PLCB4: variants seen among roughly 807,000 people sequenced by gnomAD.
PLCB4 encodes the protein 1-phosphatidylinositol 4,5-bisphosphate phosphodiesterase beta-4.
A neutral mutation model predicts 178.8 loss-of-function variants in PLCB4; 77 were observed. The observed-to-expected ratio is 0.43, with a 90% CI of 0.36 to 0.52. The LOEUF (loss-of-function observed/expected upper bound fraction) is 0.52. PLCB4 is among the 20% of genes least tolerant of loss of function. The pLI is 0.00. For missense variants in PLCB4, 1,024 were observed against 1,453.4 expected (o/e 0.70, Z 4.80); for synonymous variants, 496 against 490.8 (o/e 1.01, Z -0.14).
At chr20:9,151,564 G>T (rs758448697) in intron 2 of PLCB4, among the ~76,000 whole-genome samples, 12 of 152,132 alleles carry the variant, frequency 7.9e-5, no homozygotes, top group Non-Finnish European at 1.6e-4. Context: ...TTCTCTTGCT[G>T]CTGCCATGTT....
In PLCB4 at chr20:9,411,044, G is replaced by A. The variant is rs745776709; in HGVS notation, c.2007G>A (p.Ala669=). 182 of 1,610,128 alleles carry A rather than the reference G, an allele frequency of 1.1e-4. No homozygotes were observed. The highest frequency in any genetic ancestry group is 3.3e-4 in the South Asian group (30 of 90,956). ...VSLNYQTPDL[A]MQLNQGKFEY... ...ATTTTTGTCTCTTGACAGATTTAGCGATGCAATTGAATCAGGGAAAATTTG... is the reference window on the plus strand; with the variant it reads ...ATTTTTGTCTCTTGACAGATTTAGCAATGCAATTGAATCAGGGAAAATTTG... Residue 669 remains alanine, a synonymous_variant, in exon 25 of 40, where the codon GCG becomes GCA. Coordinates refer to ENST00000378473, the MANE Select transcript of PLCB4 (RefSeq NM_001377142.1).
At chr20:9,239,600 A>C (rs936778897) in intron 3 of PLCB4, among the ~76,000 whole-genome samples, 1 of 152,200 alleles carries the variant, frequency 6.6e-6, no homozygotes, top group Non-Finnish European at 1.5e-5. Context: ...AGGGTACGCT[A>C]TCATCGTATG....
At position 9,078,084 on chromosome 20, in the gene PLCB4, G is replaced by A. The variant is rs78058231; in HGVS notation, c.-135+8878G>A. On this transcript the variant is annotated intron_variant, in intron 1 of 39. Transcript: ENST00000378473. The stretch of plus-strand genomic sequence containing the variant: ...GCAGCCTCATCTTCTGGGCTCAAGC[G>A]ATTTTCCTGCCTCAGACTCTCGAGT... Among the ~76,000 whole-genome samples the A allele has an allele frequency of 7.0e-3, 1,066 of 151,978 alleles. 11 individuals carry two copies. The highest frequency in any genetic ancestry group is 0.024 in the African/African-American group (1,002 of 41,454).
chr20:9,362,020 C>T (rs1263502079), intron 7 of PLCB4, among the ~76,000 whole-genome samples: 1 of 152,170 alleles, frequency 6.6e-6, no homozygotes, highest in Non-Finnish European at 1.5e-5. Context: ...TTTCCTTCCT[C>T]AGCACTAAGC....
At chr20:9,257,459 G>A (rs2094248328) in intron 3 of PLCB4, among the ~76,000 whole-genome samples, 1 of 151,956 alleles carries the variant, frequency 6.6e-6, no homozygotes, top group Non-Finnish European at 1.5e-5. Context: ...ACCCTTTATT[G>A]CCCAGATAAA....
At chr20:9,419,401 C>G (rs1318709660) in intron 25 of PLCB4, among the ~76,000 whole-genome samples, 1 of 152,050 alleles carries the variant, frequency 6.6e-6, no homozygotes, top group African/African-American at 2.4e-5. Flanking sequence ...TAGATCTTAC[C>G]ATTAGATCTT....
chr20:9,258,619 G>A (rs1395847164), intron 3 of PLCB4, among the ~76,000 whole-genome samples: 1 of 150,946 alleles, frequency 6.6e-6, no homozygotes, highest in African/African-American at 2.5e-5. Context: ...GGATGCTGAG[G>A]CAGGAGAATC....
chr20:9,194,877 A>G (rs2093451503), intron 2 of PLCB4, among the ~76,000 whole-genome samples: 1 of 152,130 alleles, frequency 6.6e-6, no homozygotes, highest in Non-Finnish European at 1.5e-5. Flanking sequence ...CTTAACAGTT[A>G]CTTCATGCAT....
At chr20:9,088,188 T>C (rs1383853169) in intron 1 of PLCB4, among the ~76,000 whole-genome samples, 2 of 131,844 alleles carry the variant, frequency 1.5e-5, no homozygotes, top group African/African-American at 5.5e-5. Flanking sequence ...CTTTTTTTTT[T>C]TTTTTTTTGC....
intron 3 of PLCB4, among the ~76,000 whole-genome samples, chr20:9,231,392 A>G (rs1428835486): frequency 6.6e-6 from 1 of 152,106 alleles, no homozygotes; most frequent in African/African-American, 2.4e-5. Context: ...AAATTCAGCC[A>G]TAACACCTTA....
At chr20:9,421,233 T>C in intron 26 of PLCB4, 64 bp from the exon 27 acceptor site, 1 of 1,264,396 alleles carries the variant, frequency 7.9e-7, no homozygotes, top group Non-Finnish European at 1.1e-6. Context: ...ACTTCCTGAT[T>C]ATTTTTTGCT....
At chr20:9,181,342 A>T (rs1250290078) in intron 2 of PLCB4, among the ~76,000 whole-genome samples, 1 of 152,216 alleles carries the variant, frequency 6.6e-6, no homozygotes, top group Non-Finnish European at 1.5e-5. Context: ...TTAAAGGTGT[A>T]TCTGAAAGTA....
At chr20:9,167,260 G>C (rs1344185735) in intron 2 of PLCB4, among the ~76,000 whole-genome samples, 1 of 151,340 alleles carries the variant, frequency 6.6e-6, no homozygotes, top group Non-Finnish European at 1.5e-5. Flanking sequence ...TAAGAAATGA[G>C]GTCTATTAAA....
At position 9,199,169 on chromosome 20, in the gene PLCB4, G is replaced by C. The variant is rs548670438; in HGVS notation, c.-78-18221G>C. Among the ~76,000 whole-genome samples the C allele has an allele frequency of 3.0e-3, 345 of 113,618 alleles. 1 individual carries two copies. Among genetic ancestry groups the C allele is most frequent in the Admixed American group, 5.2e-3 (55 of 10,592 alleles). 74.5% of individuals were successfully genotyped at this position (113,618 alleles called of 152,430 possible). A position where few individuals can be genotyped will look rare whatever the true frequency, so the allele number is the denominator to read the frequency against. ...CAAAATAGTCTCTAGTCTTTTTTGT[G>C]TGTCATTTCTTTTGGAACTATAGGA... On this transcript the variant is annotated intron_variant, in intron 2 of 39. Coordinates refer to ENST00000378473, the MANE Select transcript of PLCB4 (RefSeq NM_001377142.1).
intron 25 of PLCB4, among the ~76,000 whole-genome samples, chr20:9,415,391 C>G (rs775453483): frequency 6.6e-6 from 1 of 152,198 alleles, no homozygotes; most frequent in Non-Finnish European, 1.5e-5. Flanking sequence ...CAGTTATCAT[C>G]AGCAGCCATT....
Position 9,420,020 on chromosome 20 carries a change from TTTGAC to T in PLCB4, c.2154+114_2154+118del. On this transcript the variant is annotated intron_variant, in intron 26 of 39. Coordinates refer to ENST00000378473, the MANE Select transcript of PLCB4 (RefSeq NM_001377142.1). ...GCAAGATCCATGTGCTGCTCACAAC[TTTGAC>T]TTAAGATTCCACCCCCTTTTTAAAA... 5.0e-6 allele frequency: 3 copies of T among 602,548 alleles called. No individual in the cohort carries two copies. The East Asian group carries it at 8.2e-5, about 16-fold the overall frequency. 37.3% of individuals were successfully genotyped at this position (602,548 alleles called of 1,614,324 possible).
At chr20:9,394,918 A>G (rs943530551) in intron 18 of PLCB4, among the ~76,000 whole-genome samples, 4 of 151,982 alleles carry the variant, frequency 2.6e-5, no homozygotes, top group Non-Finnish European at 4.4e-5. Context: ...TTGGTACCTT[A>G]GGGGTTTTTT....
At chr20:9,425,600 T>A (rs902592202) in intron 28 of PLCB4, among the ~76,000 whole-genome samples, 12 of 152,370 alleles carry the variant, frequency 7.9e-5, no homozygotes, top group African/African-American at 2.9e-4. Flanking sequence ...ACCCATGTTG[T>A]ATTTAAGTAT....
At chr20:9,098,261 T>C (rs2090994616) in intron 2 of PLCB4, among the ~76,000 whole-genome samples, 1 of 152,138 alleles carries the variant, frequency 6.6e-6, no homozygotes, top group Non-Finnish European at 1.5e-5. Flanking sequence ...AAATGCTGAG[T>C]TATAAAAATA....
Sources: gnomAD v4.1 joint callset for allele counts (sites outside exome capture counted in the v4.1 genomes callset) on GRCh38, gnomAD v4.1.1 for gene constraint, MANE v1.5 for transcripts, NCBI Gene and HGNC (gene_info 2026-07-23, HGNC 2026-07-21) for gene names.